The following TLK2 variants were observed in gnomAD, a reference collection of about 807,000 sequenced individuals.
TLK2 encodes tousled like kinase 2, also known as serine/threonine-protein kinase tousled-like 2.
A neutral mutation model predicts 117.3 loss-of-function variants in TLK2; 6 were observed. The observed-to-expected ratio is 0.05, with a 90% confidence interval of 0.03 to 0.10. TLK2 has a LOEUF of 0.10. Among genes scored for constraint, TLK2 ranks in the 10% least tolerant of loss-of-function variants. The pLI is 1.00. For missense variants in TLK2, 299 were observed against 901.2 expected, an observed-to-expected ratio of 0.33 and a Z score of 8.56; for synonymous variants, 257 against 316.7, an observed-to-expected ratio of 0.81 and a Z score of 2.00.
Position 62,604,162 on chromosome 17 carries a change from G to A in TLK2, c.1860-1968G>A, listed in dbSNP as rs565687366. ...TGGGTTTACATGCACCCGCCACCAC[G>A]CCCAGCTAATTTTTTTGTATTTTTA... On this transcript the variant is annotated intron_variant, in intron 19 of 21. Coordinates refer to ENST00000346027, the MANE Select transcript of TLK2 (RefSeq NM_006852.6). 1.1e-3 allele frequency among the ~76,000 whole-genome samples: 166 copies of A among 151,884 alleles called. 1 individual carries two copies. The highest frequency in any genetic ancestry group is 3.8e-3 in the African/African-American group (156 of 41,454).
At chr17:62,593,405 G>A (rs1463131440) in intron 16 of TLK2, among the ~76,000 whole-genome samples, 2 of 151,922 alleles carry the variant, frequency 1.3e-5, no homozygotes, top group Non-Finnish European at 2.9e-5. Flanking sequence ...TGTAGAAACT[G>A]CCTTTTTTTA....
chr17:62,560,169 T>G, intron 10 of TLK2, 43 bp downstream of exon 10: 1 of 1,255,964 alleles, frequency 8.0e-7, no homozygotes, highest in East Asian at 2.5e-5. Context: ...CCCAAGATAC[T>G]CAATGTGTGT....
chr17:62,511,969 A>C (rs1480806635), intron 2 of TLK2, among the ~76,000 whole-genome samples: 1 of 152,170 alleles, frequency 6.6e-6, no homozygotes, highest in African/African-American at 2.4e-5. Flanking sequence ...TTTTAAGTGC[A>C]TTTTTAGTTT....
At chr17:62,545,406 C>T (rs890976082) in intron 7 of TLK2, among the ~76,000 whole-genome samples, 1 of 152,082 alleles carries the variant, frequency 6.6e-6, no homozygotes, top group Non-Finnish European at 1.5e-5. Flanking sequence ...CTGGGACATC[C>T]TTGTCTTTCT....
intron 8 of TLK2, among the ~76,000 whole-genome samples, chr17:62,552,642 G>C (rs2078558876): frequency 6.6e-6 from 1 of 150,706 alleles, no homozygotes; most frequent in African/African-American, 2.4e-5. Flanking sequence ...CTAAAGCATG[G>C]TGTTAAGGAA....
At chr17:62,548,583 A>G (rs1438377817) in intron 7 of TLK2, among the ~76,000 whole-genome samples, 1 of 151,984 alleles carries the variant, frequency 6.6e-6, no homozygotes, top group Non-Finnish European at 1.5e-5. Flanking sequence ...ACCCGGCCCT[A>G]TGTGAGCTTT....
At chr17:62,611,574 C>T (rs1169805800) in intron 21 of TLK2, among the ~76,000 whole-genome samples, 3 of 152,208 alleles carry the variant, frequency 2.0e-5, no homozygotes, top group Admixed American at 6.5e-5. Context: ...CTATCTGTAC[C>T]GACACATCAC....
At chr17:62,488,076 A>G (rs955089513) in intron 2 of TLK2, among the ~76,000 whole-genome samples, 1 of 151,882 alleles carries the variant, frequency 6.6e-6, no homozygotes, top group Non-Finnish European at 1.5e-5. Context: ...AGTGGCTGGG[A>G]GGTGCCCGCC....
At chr17:62,546,326 A>AT (rs2077911463) in intron 7 of TLK2, among the ~76,000 whole-genome samples, 1 of 68,292 alleles carries the variant, frequency 1.5e-5, no homozygotes, top group Non-Finnish European at 3.4e-5. Flanking sequence ...AAAGTTCCCT[A>AT]TTTTGAGTTT....
chr17:62,553,582 C>A, intron 8 of TLK2, 81 bp from the exon 9 acceptor site: 1 of 979,734 alleles, frequency 1.0e-6, no homozygotes, highest in Non-Finnish European at 1.6e-6. Flanking sequence ...CCCACCCCCC[C>A]GAGAAAGGTA....
intron 6 of TLK2, among the ~76,000 whole-genome samples, chr17:62,528,053 C>T (rs2076499379): frequency 6.6e-6 from 1 of 152,126 alleles, no homozygotes; most frequent in Non-Finnish European, 1.5e-5. Context: ...GAATGTTAAT[C>T]TCATAAGAAT....
At chr17:62,578,116 G>A (rs1230536063) in intron 13 of TLK2, among the ~76,000 whole-genome samples, 1 of 152,164 alleles carries the variant, frequency 6.6e-6, no homozygotes, top group Admixed American at 6.6e-5. Context: ...AACCGAACCA[G>A]ATAGATAACC....
At chr17:62,587,338 C>G (rs980499385) in intron 16 of TLK2, among the ~76,000 whole-genome samples, 2 of 152,158 alleles carry the variant, frequency 1.3e-5, no homozygotes, top group Admixed American at 1.3e-4. Context: ...AAGTCCTGCC[C>G]TTGAAAGGAG....
upstream of TLK2, chr17:62,477,403 G>A (rs561392489): frequency 1.1e-4 from 16 of 152,344 alleles, no homozygotes; most frequent in African/African-American, 3.6e-4. Flanking sequence ...TTGGTTTAAT[G>A]AAGTTTTTCC....
intron 7 of TLK2, among the ~76,000 whole-genome samples, chr17:62,538,561 T>C (rs983803424): frequency 1.3e-5 from 2 of 152,214 alleles, no homozygotes; most frequent in African/African-American, 4.8e-5. Flanking sequence ...TTCCATCTTC[T>C]GTAAAAAGTA....
chr17:62,545,201 G>C (rs1397115950), intron 7 of TLK2, among the ~76,000 whole-genome samples: 1 of 151,956 alleles, frequency 6.6e-6, no homozygotes, highest in Non-Finnish European at 1.5e-5. Flanking sequence ...TAATTTTTTT[G>C]TATTTTTAGT....
chr17:62,594,688 CATT>C (rs1316997445), intron 16 of TLK2, among the ~76,000 whole-genome samples: 53 of 152,090 alleles, frequency 3.5e-4, no homozygotes, highest in African/African-American at 1.2e-3. Context: ...TTTACCCACT[CATT>C]CCCCACTCAG....
chr17:62,569,964 C>G (rs2080139383), intron 11 of TLK2, among the ~76,000 whole-genome samples: 1 of 152,128 alleles, frequency 6.6e-6, no homozygotes, highest in African/African-American at 2.4e-5. Flanking sequence ...CTTTCTTTGC[C>G]TCTTCAGCAG....
intron 16 of TLK2, among the ~76,000 whole-genome samples, chr17:62,593,753 ATTTT>A (rs896468420): frequency 7.1e-6 from 1 of 141,358 alleles, no homozygotes; most frequent in Non-Finnish European, 1.6e-5. Flanking sequence ...TTTGTAGTTA[ATTTT>A]TTTTTTTTAA....
Sources: allele counts gnomAD v4.1 joint callset (sites outside exome capture counted in the v4.1 genomes callset), GRCh38; gene constraint gnomAD v4.1.1; transcripts MANE v1.5; gene names NCBI Gene and HGNC (gene_info 2026-07-23, HGNC 2026-07-21).